The following MMRN1 variants were observed in gnomAD, a reference collection of about 807,000 sequenced individuals.
MMRN1 encodes the protein multimerin-1.
In MMRN1, 94 loss-of-function variants were observed where a neutral mutation model predicts 100.7. The ratio of observed to expected loss-of-function variants is 0.93; its 90% CI spans 0.79 to 1.11. The LOEUF is 1.11. Ranked by LOEUF, MMRN1 falls within the 50% of genes least tolerant of loss-of-function variation. MMRN1 has a pLI of 0.00. For missense variants in MMRN1, 1,606 were observed against 1,439.1 expected (o/e 1.12, Z -1.88); for synonymous variants, 575 against 505.0 (o/e 1.14, Z -1.86).
intron 3 of MMRN1, 119 bp from the exon 4 acceptor site, chr4:89,923,049 C>A (rs1054637559): frequency 2.5e-6 from 2 of 794,078 alleles, no homozygotes; most frequent in Non-Finnish European, 2.1e-6. Flanking sequence ...CAATCATCCC[C>A]GACCATCATG....
chr4:89,943,147 G>A (rs926120074), intron 6 of MMRN1, among the ~76,000 whole-genome samples: 2 of 152,098 alleles, frequency 1.3e-5, no homozygotes, highest in Non-Finnish European at 2.9e-5. Context: ...AGGAGGATAA[G>A]CACATCTGAT....
intron 2 of MMRN1, among the ~76,000 whole-genome samples, chr4:89,909,689 T>C (rs1174844760): frequency 6.6e-6 from 1 of 151,232 alleles, no homozygotes; most frequent in Non-Finnish European, 1.5e-5. Context: ...TCACTATTAC[T>C]TTTACTCTAT....
intron 1 of MMRN1, among the ~76,000 whole-genome samples, chr4:89,879,983 T>C (rs915416138): frequency 5.9e-5 from 9 of 152,190 alleles, no homozygotes; most frequent in African/African-American, 2.2e-4. Context: ...TGATGCTGGT[T>C]TTAATTTTAC....
chr4:89,906,751 A>G (rs1721576373), intron 1 of MMRN1, among the ~76,000 whole-genome samples: 1 of 151,504 alleles, frequency 6.6e-6, no homozygotes, highest in African/African-American at 2.4e-5. Context: ...AAACCTAATT[A>G]TGAGTCACAC....
chr4:89,941,409 A>AG (rs1722819326), intron 6 of MMRN1, among the ~76,000 whole-genome samples: 1 of 152,196 alleles, frequency 6.6e-6, no homozygotes, highest in Admixed American at 6.6e-5. Context: ...CCTCCCATGA[A>AG]GGACAACATT....
At chr4:89,952,940 A>T in intron 7 of MMRN1, 57 bp from the exon 8 acceptor site, 2 of 1,400,180 alleles carry the variant, frequency 1.4e-6, no homozygotes, top group Non-Finnish European at 1.9e-6. Flanking sequence ...AGATATAAGG[A>T]AAGAAAAATA....
At position 89,933,846 on chromosome 4, in the gene MMRN1, G is replaced by A. The variant is rs528674049; in HGVS notation, c.1130-964G>A. Among the ~76,000 whole-genome samples, 110 of 152,076 alleles carry A rather than the reference G, an allele frequency of 7.2e-4. 1 individual carries two copies. The highest frequency in any genetic ancestry group is 2.5e-3 in the African/African-American group (102 of 41,510). On this transcript the variant is annotated intron_variant, in intron 5 of 7. Transcript: ENST00000264790. ...TATTAATTATATTTTGAATTTGAAT[G>A]GACATATCTTCCAGTTATGTGTACT...
Position 89,895,447 on chromosome 4 carries a change from T to C in MMRN1, c.476T>C (p.Val159Ala). ...GAACAAGCAACTTCTCTAAACACAGTTGGAGGCACTGGAGGCATTGGAGGC... is the reference window on the plus strand; with the variant it reads ...GAACAAGCAACTTCTCTAAACACAGCTGGAGGCACTGGAGGCATTGGAGGC... The part of the protein sequence containing the change: ...SNEQATSLNT[V>A]GGTGGIGGVG... The change falls in exon 1 of 8, where the codon GTT (valine) becomes GCT (alanine). Residue 159 changes from valine (V) to alanine (A), a missense_variant. Physicochemically the swap from Val to Ala is moderately conservative, Grantham distance 64. Transcript: ENST00000264790. 1 of 1,613,674 alleles carries C rather than the reference T, an allele frequency of 6.2e-7. No individual in the cohort carries two copies. Among genetic ancestry groups the C allele is most frequent in the Non-Finnish European group, 8.5e-7 (1 of 1,179,842 alleles).
intron 1 of MMRN1, among the ~76,000 whole-genome samples, chr4:89,898,693 T>G (rs1170470189): frequency 2.0e-5 from 3 of 152,050 alleles, no homozygotes; most frequent in Non-Finnish European, 4.4e-5. Flanking sequence ...AACCCACCTT[T>G]CTTCCCTGTC....
chr4:89,943,981 C>CAA (rs543952532), intron 6 of MMRN1, among the ~76,000 whole-genome samples: 4,742 of 125,786 alleles, frequency 0.038, 224 homozygotes, highest in African/African-American at 0.12. Flanking sequence ...GACTCTGTCT[C>CAA]AAAAAAAAAA....
intron 6 of MMRN1, 158 bp from the exon 7 acceptor site, chr4:89,951,447 C>G: frequency 1.7e-6 from 1 of 588,748 alleles, no homozygotes; most frequent in African/African-American, 2.0e-5. Flanking sequence ...ATTTGCATGA[C>G]GTCCTGTGCC....
In MMRN1 at chr4:89,954,277, A is replaced by G. The variant is rs1723279657; in HGVS notation, c.*859A>G. On this transcript the variant is annotated 3_prime_UTR_variant, in exon 8 of 8. Transcript: ENST00000264790. ...TACATGTAATGTCTCATTCCTCACAATAACCCTTGTAAAGTGGGCATGATT... is the reference window on the plus strand; with the variant it reads ...TACATGTAATGTCTCATTCCTCACAGTAACCCTTGTAAAGTGGGCATGATT... 6.6e-6 allele frequency: 1 copy of G among 152,112 alleles called. No homozygotes were observed. Among genetic ancestry groups the G allele is most frequent in the African/African-American group, 2.4e-5 (1 of 41,424 alleles). 9.4% of individuals were successfully genotyped at this position (152,112 alleles called of 1,614,324 possible).
At chr4:89,920,636 G>A (rs12641781) in intron 3 of MMRN1, among the ~76,000 whole-genome samples, 21,879 of 151,750 alleles carry the variant, frequency 0.14, 2,303 homozygotes, top group East Asian at 0.3. Flanking sequence ...CAGGAATGCT[G>A]TTTAAAAGTC....
chr4:89,922,098 TATTG>T (rs369090427), intron 3 of MMRN1, among the ~76,000 whole-genome samples: 3,206 of 152,034 alleles, frequency 0.021, 59 homozygotes, highest in Admixed American at 0.058. Context: ...TTATTTTAAT[TATTG>T]ATTGATTGAT....
chr4:89,882,999 A>C (rs1720854312), intron 1 of MMRN1, among the ~76,000 whole-genome samples: 1 of 152,002 alleles, frequency 6.6e-6, no homozygotes, highest in Admixed American at 6.6e-5. Context: ...ACTTCATATA[A>C]ATATAACTAT....
At chr4:89,913,214 T>C (rs1721810360) in intron 3 of MMRN1, among the ~76,000 whole-genome samples, 1 of 151,314 alleles carries the variant, frequency 6.6e-6, no homozygotes, top group South Asian at 2.1e-4. Flanking sequence ...TTAAAAGTTC[T>C]GGATAATATT....
chr4:89,927,864 T>G lies in MMRN1; in HGVS notation c.1025T>G (p.Ile342Ser), dbSNP rs768032778. The change falls in exon 5 of 8, where the codon ATT becomes AGT. Residue 342 changes from isoleucine (I) to serine (S), a missense_variant. Ile to Ser is a moderately radical substitution (Grantham distance 142). Transcript: ENST00000264790. ...AMKLTLLQKK[I>S]DNISLTVNDV... is the part of the protein sequence containing the mutation. ...AAACTGACTCTTCTGCAGAAGAAGA[T>G]TGACAATATTTCTTTGACTGTGAAT... 2 of 1,612,650 alleles carry G rather than the reference T, an allele frequency of 1.2e-6. No individual in the cohort carries two copies. Among genetic ancestry groups the G allele is most frequent in the Non-Finnish European group, 1.7e-6 (2 of 1,179,260 alleles).
chr4:89,945,377 T>C (rs1461294012), intron 6 of MMRN1, among the ~76,000 whole-genome samples: 1 of 152,156 alleles, frequency 6.6e-6, no homozygotes, highest in African/African-American at 2.4e-5. Flanking sequence ...AGTAGCATAG[T>C]TTGGTTATAA....
At chr4:89,933,150 T>C (rs959594033) in intron 5 of MMRN1, among the ~76,000 whole-genome samples, 1 of 152,188 alleles carries the variant, frequency 6.6e-6, no homozygotes, top group Non-Finnish European at 1.5e-5. Flanking sequence ...AAGTTCAAAG[T>C]TCCACAGATC....
Sources: allele counts gnomAD v4.1 joint callset (sites outside exome capture counted in the v4.1 genomes callset), GRCh38; gene constraint gnomAD v4.1.1; transcripts MANE v1.5; gene names NCBI Gene and HGNC (gene_info 2026-07-23, HGNC 2026-07-21).